The following MAP4K5 variants were observed in gnomAD, a reference collection of about 807,000 sequenced individuals.
The protein encoded by MAP4K5 is MAPK/ERK kinase kinase kinase 5.
A neutral mutation model predicts 135.6 loss-of-function variants in MAP4K5; 82 were observed. The observed-to-expected ratio is 0.60, with a 90% confidence interval of 0.51 to 0.73. MAP4K5 has a LOEUF of 0.73. MAP4K5 is among the 30% of genes least tolerant of loss of function. The pLI, the probability that MAP4K5 is intolerant of heterozygous loss-of-function variation, is 0.00. For missense variants in MAP4K5, 907 were observed against 1,010.9 expected, an observed-to-expected ratio of 0.90 and a Z score of 1.39; for synonymous variants, 347 against 335.0, an observed-to-expected ratio of 1.04 and a Z score of -0.39.
At chr14:50,466,093 T>C (rs886343620) in intron 11 of MAP4K5, among the ~76,000 whole-genome samples, 1 of 151,758 alleles carries the variant, frequency 6.6e-6, no homozygotes, top group Admixed American at 6.6e-5. Context: ...AAAGAAACAC[T>C]GGGCTGGGCA....
intron 2 of MAP4K5, among the ~76,000 whole-genome samples, chr14:50,540,202 C>A (rs1298634177): frequency 6.6e-6 from 1 of 152,150 alleles, no homozygotes; most frequent in Admixed American, 6.5e-5. Flanking sequence ...GAAGTGAAAT[C>A]AGGATGTTTT....
chr14:50,475,173 T>G, intron 8 of MAP4K5, 24 bp from the exon 9 acceptor site: 1 of 1,587,716 alleles, frequency 6.3e-7, no homozygotes, highest in Non-Finnish European at 8.6e-7. Flanking sequence ...AAACAGAAAA[T>G]TTTAGTTCTT....
intron 13 of MAP4K5, among the ~76,000 whole-genome samples, chr14:50,460,328 A>G (rs1184790793): frequency 6.6e-6 from 1 of 151,990 alleles, no homozygotes; most frequent in African/African-American, 2.4e-5. Flanking sequence ...TGCCCCCCCA[A>G]CTGCCTGGCA....
chr14:50,519,346 T>C (rs1356439022), intron 2 of MAP4K5, among the ~76,000 whole-genome samples: 2 of 152,168 alleles, frequency 1.3e-5, no homozygotes, highest in Non-Finnish European at 2.9e-5. Flanking sequence ...TTTTCATTCC[T>C]ATATAGTTTT....
intron 1 of MAP4K5, among the ~76,000 whole-genome samples, chr14:50,545,693 C>G (rs761228809): frequency 6.6e-6 from 1 of 152,088 alleles, no homozygotes; most frequent in African/African-American, 2.4e-5. Context: ...AAGGCACATG[C>G]GAGTATCCAT....
At chr14:50,560,581 C>G (rs1026918961) in intron 1 of MAP4K5, 1 of 487,184 alleles carries the variant, frequency 2.1e-6, no homozygotes, top group Non-Finnish European at 3.8e-6. Flanking sequence ...AGCATTTGGA[C>G]AGCACCCACC....
chr14:50,466,381 C>CAAAA (rs1194669006), intron 11 of MAP4K5, among the ~76,000 whole-genome samples: 15 of 54,504 alleles, frequency 2.8e-4, no homozygotes, highest in South Asian at 7.3e-4. Context: ...AATCCTGTCT[C>CAAAA]AAAAAAAAAA....
chr14:50,440,258 A>C, intron 22 of MAP4K5, 104 bp downstream of exon 22: 1 of 825,512 alleles, frequency 1.2e-6, no homozygotes, highest in Non-Finnish European at 1.9e-6. Context: ...AAATATTTAA[A>C]TCATAAAAAT....
chr14:50,476,862 G>T (rs531237280), intron 6 of MAP4K5, among the ~76,000 whole-genome samples: 1 of 152,296 alleles, frequency 6.6e-6, no homozygotes, highest in South Asian at 2.1e-4. Context: ...TTCCTTATGT[G>T]GTGCTCCTTT....
chr14:50,488,290 C>T (rs1437090576), intron 3 of MAP4K5, among the ~76,000 whole-genome samples: 2 of 152,286 alleles, frequency 1.3e-5, no homozygotes, highest in East Asian at 1.9e-4. Flanking sequence ...GGGGAAACCA[C>T]CTCCATGATC....
chr14:50,546,384 G>A (rs898073794), intron 1 of MAP4K5, among the ~76,000 whole-genome samples: 2 of 151,584 alleles, frequency 1.3e-5, no homozygotes, highest in African/African-American at 2.4e-5. Context: ...GTGTGTGCGT[G>A]TGTGTGTGTG....
intron 3 of MAP4K5, among the ~76,000 whole-genome samples, chr14:50,489,265 T>C (rs941777490): frequency 6.6e-6 from 1 of 152,152 alleles, no homozygotes; most frequent in Admixed American, 6.5e-5. Context: ...GGAGGACTGC[T>C]TGAGCCCAAG....
Position 50,434,961 on chromosome 14 carries a change from C to G in MAP4K5, c.1986+1G>C. ...AAAAATGTGAACAAAATAATATATA[C>G]CTTTATCAACATGAATTTCTGCATT... On this transcript the variant is annotated splice_donor_variant, in intron 27 of 32. Coordinates refer to ENST00000682126, the MANE Select transcript of MAP4K5 (RefSeq NM_006575.6). LOFTEE classifies it high-confidence loss of function. 2 of 1,582,566 alleles carry G rather than the reference C, an allele frequency of 1.3e-6. No individual in the cohort carries two copies. Among genetic ancestry groups the G allele is most frequent in the Non-Finnish European group, 1.7e-6 (2 of 1,155,238 alleles).
intron 3 of MAP4K5, among the ~76,000 whole-genome samples, chr14:50,499,706 T>C (rs763784357): frequency 3.3e-5 from 5 of 151,872 alleles, no homozygotes; most frequent in Admixed American, 2.0e-4. Context: ...ATTCATTACT[T>C]TCCAAAGTAA....
rs2037360646 is a variant in MAP4K5 at position 50,486,214 on chromosome 14, G to T, written c.167-20C>A. The stretch of plus-strand genomic sequence containing the variant: ...CATCTCCTGGAAAACAAAATAAGTT[G>T]TTTATCATGTTACTCAAAATCTCTA... On this transcript the variant is annotated intron_variant, in intron 3 of 32. Transcript: ENST00000682126. The T allele has an allele frequency of 2.5e-6, 2 of 807,366 alleles. No homozygotes were observed. Among genetic ancestry groups the T allele is most frequent in the African/African-American group, 1.8e-5 (1 of 55,646 alleles). The allele number at this position is 807,366 out of a possible 1,614,324, so 50.0% of individuals were successfully genotyped here.
intron 2 of MAP4K5, among the ~76,000 whole-genome samples, chr14:50,529,959 G>A (rs538115798): frequency 2.6e-5 from 4 of 152,270 alleles, no homozygotes; most frequent in African/African-American, 9.6e-5. Context: ...TTCATGGACA[G>A]GTATTACAGC....
chr14:50,540,486 G>A (rs915875630), intron 2 of MAP4K5, among the ~76,000 whole-genome samples: 1 of 152,052 alleles, frequency 6.6e-6, no homozygotes, highest in South Asian at 2.1e-4. Flanking sequence ...AGGTATAAAC[G>A]GTGACTTTTC....
chr14:50,531,941 C>T lies in MAP4K5; in HGVS notation c.108+1G>A. 1 of 1,590,534 alleles carries T rather than the reference C, an allele frequency of 6.3e-7. No homozygotes were observed. Among genetic ancestry groups the T allele is most frequent in the Non-Finnish European group, 8.6e-7 (1 of 1,167,102 alleles). On this transcript the variant is annotated splice_donor_variant, in intron 2 of 32. Coordinates refer to ENST00000682126, the MANE Select transcript of MAP4K5 (RefSeq NM_006575.6). LOFTEE classifies it high-confidence loss of function. Reference sequence around the variant, plus strand: ...AAAAAAGCACGGCCAGCCTCACTTACCTTATAGACGTCCCCGTAGGTGCCG... The same window carrying T: ...AAAAAAGCACGGCCAGCCTCACTTATCTTATAGACGTCCCCGTAGGTGCCG...
upstream of MAP4K5, chr14:50,533,372 G>A (rs1037386420): frequency 6.6e-6 from 1 of 152,100 alleles, no homozygotes; most frequent in Non-Finnish European, 1.5e-5. Flanking sequence ...AAGAGGGTAA[G>A]ATTTTGCATC....
Sources: gnomAD v4.1 joint callset for allele counts (sites outside exome capture counted in the v4.1 genomes callset) on GRCh38, gnomAD v4.1.1 for gene constraint, MANE v1.5 for transcripts, NCBI Gene and HGNC (gene_info 2026-07-23, HGNC 2026-07-21) for gene names.